Variants in FTO observed in about 807,000 individuals in gnomAD.
FTO encodes the protein alpha-ketoglutarate-dependent dioxygenase FTO.
Under a neutral mutation model 63.9 loss-of-function variants are expected in FTO, and 47 were observed. That is an observed-to-expected ratio of 0.74 (90% confidence interval 0.58 to 0.94). FTO has a LOEUF of 0.94. Among genes scored for constraint, FTO ranks in the 40% least tolerant of loss-of-function variants. FTO has a pLI of 0.00. For missense variants in FTO, 562 were observed against 618.1 expected (o/e 0.91, Z 0.96); for synonymous variants, 207 against 224.4 (o/e 0.92, Z 0.69).
intron 8 of FTO, among the ~76,000 whole-genome samples, chr16:54,023,625 T>G (rs1422117700): frequency 1.3e-5 from 2 of 152,220 alleles, no homozygotes; most frequent in African/African-American, 2.4e-5. Flanking sequence ...AGCATTCTCG[T>G]TAATCTACAG....
At chr16:53,780,161 T>C (rs1186987344) in intron 1 of FTO, among the ~76,000 whole-genome samples, 1 of 152,200 alleles carries the variant, frequency 6.6e-6, no homozygotes, top group African/African-American at 2.4e-5. Flanking sequence ...ACCTGGGTTC[T>C]ATAGCTCTGA....
Position 54,115,124 on chromosome 16 carries a change from C to G in FTO, c.*3209C>G, listed in dbSNP as rs959845899. The G allele has an allele frequency of 2.0e-5, 3 of 152,182 alleles. No individual in the cohort carries two copies. The highest frequency in any genetic ancestry group is 7.2e-5 in the African/African-American group (3 of 41,418). The allele number at this position is 152,182 out of a possible 1,614,324, so 9.4% of individuals were successfully genotyped here. On this transcript the variant is annotated 3_prime_UTR_variant, in exon 9 of 9. Coordinates refer to ENST00000471389, the MANE Select transcript of FTO (RefSeq NM_001080432.3). ...GGCCCAGAAATCGCACCCTTCTCCC[C>G]ATGTGTGCGGATAAGGGACCACTTC...
intron 8 of FTO, among the ~76,000 whole-genome samples, chr16:53,989,091 T>C (rs997211746): frequency 1.3e-5 from 2 of 152,062 alleles, no homozygotes; most frequent in Non-Finnish European, 2.9e-5. Context: ...GAGGATGACA[T>C]GTGCACTAAG....
At position 54,121,580 on chromosome 16, in the gene FTO, C is replaced by G. The variant is rs763547199; in HGVS notation, c.*9665C>G. 6.6e-6 allele frequency: 1 copy of G among 152,200 alleles called. No homozygotes were observed. The highest frequency in any genetic ancestry group is 2.4e-5 in the African/African-American group (1 of 41,428). The allele number at this position is 152,200 out of a possible 1,614,324, so 9.4% of individuals were successfully genotyped here. On this transcript the variant is annotated 3_prime_UTR_variant, in exon 9 of 9. Coordinates refer to ENST00000471389, the MANE Select transcript of FTO (RefSeq NM_001080432.3). ...ACGGCAGATTCGCAGGGAAGCAGGC[C>G]GAGCCTGATCTTTTCTCCGCTAGAA...
chr16:54,079,209 G>A (rs1013007793), intron 8 of FTO, among the ~76,000 whole-genome samples: 8 of 152,144 alleles, frequency 5.3e-5, no homozygotes, highest in Non-Finnish European at 8.8e-5. Context: ...TACGCCCTTA[G>A]AGATGGGGTA....
intron 4 of FTO, among the ~76,000 whole-genome samples, chr16:53,871,393 G>C (rs1356009404): frequency 1.3e-5 from 2 of 151,778 alleles, no homozygotes; most frequent in Non-Finnish European, 2.9e-5. Context: ...TTTTTCATGT[G>C]TTCTAGTTCA....
chr16:53,999,473 C>T (rs1170116231), intron 8 of FTO, among the ~76,000 whole-genome samples: 1 of 152,166 alleles, frequency 6.6e-6, no homozygotes, highest in Non-Finnish European at 1.5e-5. Flanking sequence ...CCTGTGGAGA[C>T]AAGCTGTCAT....
intron 8 of FTO, among the ~76,000 whole-genome samples, chr16:53,969,907 G>A (rs1599114538): frequency 6.6e-6 from 1 of 152,172 alleles, no homozygotes; most frequent in Non-Finnish European, 1.5e-5. Flanking sequence ...AAAGTGTGCT[G>A]TGTGCTCGCC....
intron 5 of FTO, among the ~76,000 whole-genome samples, 155 bp from the exon 6 acceptor site, chr16:53,879,689 A>AT (rs981924791): frequency 1.6e-5 from 2 of 128,978 alleles, no homozygotes; most frequent in African/African-American, 5.9e-5. Context: ...CTATCTCAAA[A>AT]TTAAAAAAAA....
intron 8 of FTO, among the ~76,000 whole-genome samples, chr16:53,988,377 G>T (rs1184353044): frequency 6.6e-6 from 1 of 152,112 alleles, no homozygotes; most frequent in Non-Finnish European, 1.5e-5. Flanking sequence ...TATTTTTTAC[G>T]TTGGGGCCTT....
intron 1 of FTO, among the ~76,000 whole-genome samples, chr16:53,794,494 G>T (rs2151696719): frequency 6.6e-6 from 1 of 152,262 alleles, no homozygotes; most frequent in South Asian, 2.1e-4. Context: ...AGAGTGCTAG[G>T]ACTGAAAGTT....
At chr16:53,873,446 A>G (rs905121162) in intron 4 of FTO, among the ~76,000 whole-genome samples, 1 of 149,922 alleles carries the variant, frequency 6.7e-6, no homozygotes, top group Non-Finnish European at 1.5e-5. Flanking sequence ...TTATATACAT[A>G]TGATTATATA....
rs118051560 is a variant in FTO at position 53,910,106 on chromosome 16, C to T, written c.1239+21155C>T. Among the ~76,000 whole-genome samples the T allele has an allele frequency of 3.1e-4, 47 of 152,156 alleles. 1 individual carries two copies. In the East Asian group the frequency reaches 7.7e-3, roughly 25 times the overall value. On this transcript the variant is annotated intron_variant, in intron 7 of 8. Coordinates refer to ENST00000471389, the MANE Select transcript of FTO (RefSeq NM_001080432.3). Reference sequence around the variant, plus strand: ...TCTCACTTTGTTCCCCAGGTTGGGACGGAGCCCATTTTAGACAGTACAAAC... The same window carrying T: ...TCTCACTTTGTTCCCCAGGTTGGGATGGAGCCCATTTTAGACAGTACAAAC...
chr16:53,883,636 CA>C (rs1202328126), intron 6 of FTO, among the ~76,000 whole-genome samples: 25 of 121,148 alleles, frequency 2.1e-4, no homozygotes, highest in South Asian at 2.6e-4. Flanking sequence ...AAAAAAAAAA[CA>C]AAAAAAAAAA....
At chr16:53,966,817 G>A (rs1360727617) in intron 8 of FTO, among the ~76,000 whole-genome samples, 1 of 152,194 alleles carries the variant, frequency 6.6e-6, no homozygotes, top group Non-Finnish European at 1.5e-5. Context: ...TGAATGCATG[G>A]CTCCAGGACC....
At chr16:53,839,255 A>G (rs2079394326) in intron 3 of FTO, among the ~76,000 whole-genome samples, 1 of 152,168 alleles carries the variant, frequency 6.6e-6, no homozygotes, top group African/African-American at 2.4e-5. Flanking sequence ...GAGTGCACCA[A>G]ACACACTGAG....
chr16:53,738,793 G>C (rs776960286), intron 1 of FTO, among the ~76,000 whole-genome samples: 4 of 152,136 alleles, frequency 2.6e-5, no homozygotes, highest in African/African-American at 7.2e-5. Flanking sequence ...CAGTGTATTA[G>C]AGTTCCAGTT....
At chr16:53,839,880 C>CT (rs2079422988) in intron 3 of FTO, among the ~76,000 whole-genome samples, 3 of 151,848 alleles carry the variant, frequency 2.0e-5, no homozygotes, top group African/African-American at 7.3e-5. Flanking sequence ...TCTCGGCTCA[C>CT]TGCAACCTCT....
intron 8 of FTO, among the ~76,000 whole-genome samples, chr16:54,060,869 A>C (rs1057355488): frequency 4.6e-5 from 7 of 152,250 alleles, no homozygotes; most frequent in African/African-American, 1.2e-4. Flanking sequence ...TTTGCTAAAT[A>C]ACTATCCTTC....
Sources: gnomAD v4.1 joint callset for allele counts (sites outside exome capture counted in the v4.1 genomes callset) on GRCh38, gnomAD v4.1.1 for gene constraint, MANE v1.5 for transcripts, NCBI Gene and HGNC (gene_info 2026-07-23, HGNC 2026-07-21) for gene names.